ADAMTSL1: variants seen among roughly 807,000 people sequenced by gnomAD.
ADAMTSL1 encodes ADAMTS-like protein 1.
In ADAMTSL1, 126 loss-of-function variants were observed where a neutral mutation model predicts 201.8. The ratio of observed to expected loss-of-function variants is 0.62; its 90% CI spans 0.54 to 0.72. ADAMTSL1 has a LOEUF of 0.72. Ranked by LOEUF, ADAMTSL1 falls within the 30% of genes least tolerant of loss-of-function variation. ADAMTSL1 has a pLI of 0.00. For synonymous variants in ADAMTSL1, 1,121 were observed against 903.4 expected (o/e 1.24, Z -4.32); for missense variants, 2,679 against 2,277.8 (o/e 1.18, Z -3.59).
chr9:18,126,001 C>T (rs1274921729), intron 1 of ADAMTSL1, among the ~76,000 whole-genome samples: 1 of 152,114 alleles, frequency 6.6e-6, no homozygotes, highest in Non-Finnish European at 1.5e-5. Flanking sequence ...GAACATCATG[C>T]CAGTAGGAAC....
rs376524240 is a variant in ADAMTSL1 at position 18,569,642 on chromosome 9, A to G, written c.238-4388A>G. ...TAGTCCTGTGCATCCCTCCCACACT[A>G]TATTTTTTGCCAGGTTCTTGTTAGG... On this transcript the variant is annotated intron_variant, in intron 3 of 28. Transcript: ENST00000380548. Among the ~76,000 whole-genome samples, 12 of 152,236 alleles carry G rather than the reference A, an allele frequency of 7.9e-5. No homozygotes were observed. In the South Asian group the frequency reaches 1.2e-3, roughly 16 times the overall value.
intron 2 of ADAMTSL1, among the ~76,000 whole-genome samples, chr9:18,510,679 G>A (rs1337143278): frequency 6.6e-6 from 1 of 151,600 alleles, no homozygotes; most frequent in South Asian, 2.1e-4. Flanking sequence ...GTTATATGAG[G>A]TTTTATTGAG....
chr9:18,738,083 G>A (rs1326655210), intron 15 of ADAMTSL1, among the ~76,000 whole-genome samples: 2 of 152,200 alleles, frequency 1.3e-5, no homozygotes, highest in Non-Finnish European at 2.9e-5. Context: ...GGTTAATTAA[G>A]AATAGATTCT....
rs1422227263 is a variant in ADAMTSL1 at position 18,908,744 on chromosome 9, C to A, written c.*196C>A. The A allele has an allele frequency of 1.9e-6, 1 of 539,990 alleles. No individual in the cohort carries two copies. Among genetic ancestry groups the A allele is most frequent in the Admixed American group, 3.2e-5 (1 of 31,158 alleles). 33.4% of individuals were successfully genotyped at this position (539,990 alleles called of 1,614,324 possible). ...TTTTCTCTTTCAGTTAGCTGGAGGA[C>A]AGGATGTTGGGAAAGGAAAGGACAG... On this transcript the variant is annotated 3_prime_UTR_variant, in exon 29 of 29. Coordinates refer to ENST00000380548, the MANE Select transcript of ADAMTSL1 (RefSeq NM_001040272.6).
chr9:18,221,765 T>C (rs1830268156), intron 2 of ADAMTSL1, among the ~76,000 whole-genome samples: 1 of 152,154 alleles, frequency 6.6e-6, no homozygotes, highest in Admixed American at 6.5e-5. Flanking sequence ...TATCCAGTTG[T>C]TGCTGCAGTG....
chr9:18,230,828 TTACATCCATTCTTC>T (rs1830621296), intron 2 of ADAMTSL1, among the ~76,000 whole-genome samples: 1 of 152,188 alleles, frequency 6.6e-6, no homozygotes, highest in South Asian at 2.1e-4. Context: ...GATGTTAAAA[TTACATCCATTCTTC>T]TGCAAGTAAC....
At position 18,431,436 on chromosome 9, in the gene ADAMTSL1, T is replaced by A. The variant is rs576775461; in HGVS notation, c.208-73393T>A. 3.0e-4 allele frequency among the ~76,000 whole-genome samples: 45 copies of A among 152,288 alleles called. No homozygotes were observed. The South Asian group carries it at 9.1e-3, about 31-fold the overall frequency. On this transcript the variant is annotated intron_variant, in intron 2 of 29. Coordinates refer to the ADAMTSL1 transcript ENST00000680146. Reference sequence around the variant, plus strand: ...ATTCATTCAGAGACAATTATGAGCATCCTTTGAAATGTTTAAAGACCCAGA... The same window carrying A: ...ATTCATTCAGAGACAATTATGAGCAACCTTTGAAATGTTTAAAGACCCAGA...
At chr9:18,035,135 T>A (rs1419281895) in intron 1 of ADAMTSL1, among the ~76,000 whole-genome samples, 1 of 152,248 alleles carries the variant, frequency 6.6e-6, no homozygotes, top group Non-Finnish European at 1.5e-5. Context: ...TAAATTGTGC[T>A]TAAGTTAGTA....
chr9:17,991,478 C>T (rs1000769224), intron 1 of ADAMTSL1, among the ~76,000 whole-genome samples: 1 of 152,104 alleles, frequency 6.6e-6, no homozygotes, highest in East Asian at 1.9e-4. Context: ...GTTGATGCTA[C>T]TGAGATCCCA....
At chr9:18,104,747 A>G (rs1016557822) in intron 1 of ADAMTSL1, among the ~76,000 whole-genome samples, 3 of 152,200 alleles carry the variant, frequency 2.0e-5, no homozygotes, top group African/African-American at 7.2e-5. Context: ...AAACTAATTT[A>G]AATAACAATA....
intron 4 of ADAMTSL1, among the ~76,000 whole-genome samples, chr9:18,586,612 A>G (rs1395931428): frequency 6.6e-6 from 1 of 152,120 alleles, no homozygotes; most frequent in Admixed American, 6.5e-5. Context: ...ATTCATATGG[A>G]ATTTTAAAAA....
At chr9:18,835,570 C>T (rs556220477) in intron 23 of ADAMTSL1, among the ~76,000 whole-genome samples, 1 of 151,982 alleles carries the variant, frequency 6.6e-6, no homozygotes, top group African/African-American at 2.4e-5. Context: ...GGGTATATTT[C>T]CCAATGCTGA....
intron 2 of ADAMTSL1, among the ~76,000 whole-genome samples, chr9:18,335,791 A>G (rs566916141): frequency 2.6e-5 from 4 of 152,306 alleles, no homozygotes; most frequent in African/African-American, 4.8e-5. Flanking sequence ...CATATTTTAC[A>G]TGGGCTTTTA....
intron 15 of ADAMTSL1, among the ~76,000 whole-genome samples, chr9:18,744,748 C>T (rs575757442): frequency 2.8e-4 from 42 of 152,280 alleles, no homozygotes; most frequent in Admixed American, 5.2e-4. Context: ...ACAATTCATT[C>T]GCAAACAATC....
chr9:18,249,800 T>C (rs1265182667), intron 2 of ADAMTSL1, among the ~76,000 whole-genome samples: 1 of 152,088 alleles, frequency 6.6e-6, no homozygotes, highest in Non-Finnish European at 1.5e-5. Context: ...TGAACTGAAA[T>C]ATTTTTTGGA....
At chr9:18,042,986 T>C (rs1163716675) in intron 1 of ADAMTSL1, among the ~76,000 whole-genome samples, 1 of 152,134 alleles carries the variant, frequency 6.6e-6, no homozygotes, top group Non-Finnish European at 1.5e-5. Flanking sequence ...ACATTCATAG[T>C]TGGGCAATTA....
At chr9:18,143,129 T>C (rs996727813) in intron 1 of ADAMTSL1, among the ~76,000 whole-genome samples, 3 of 152,134 alleles carry the variant, frequency 2.0e-5, no homozygotes, top group African/African-American at 7.2e-5. Context: ...AAGCTTGTAA[T>C]CAGAAGGCTT....
chr9:18,762,523 T>A (rs1437159430), intron 16 of ADAMTSL1, among the ~76,000 whole-genome samples: 2 of 152,124 alleles, frequency 1.3e-5, no homozygotes, highest in African/African-American at 2.4e-5. Context: ...ACACTCTTTT[T>A]AAGTTTTTTT....
chr9:18,320,620 T>C (rs1834579671), intron 2 of ADAMTSL1, among the ~76,000 whole-genome samples: 1 of 152,224 alleles, frequency 6.6e-6, no homozygotes, highest in African/African-American at 2.4e-5. Context: ...TAAATTTCTT[T>C]TAAAAATAGC....
Sources: gnomAD v4.1 joint callset for allele counts (sites outside exome capture counted in the v4.1 genomes callset) on GRCh38, gnomAD v4.1.1 for gene constraint, MANE v1.5 for transcripts, NCBI Gene and HGNC (gene_info 2026-07-23, HGNC 2026-07-21) for gene names.